Variants in ARL13A observed in about 807,000 individuals in gnomAD.
The protein encoded by ARL13A is ADP-ribosylation factor-like protein 13A.
ARL13A carries 16 observed loss-of-function variants against 19.1 expected under a neutral mutation model. The observed-to-expected ratio is 0.84, with a 90% CI of 0.57 to 1.27. The LOEUF (loss-of-function observed/expected upper bound fraction) is 1.27, where lower values mean the gene tolerates loss of function less well. Ranked by LOEUF, ARL13A falls within the 50% of genes most tolerant of loss-of-function variation. ARL13A has a pLI of 0.00. For synonymous variants in ARL13A, 69 were observed against 71.3 expected (o/e 0.97, Z 0.17); for missense variants, 153 against 186.4 (o/e 0.82, Z 1.04).
chrX:100,974,049 G>A, intron 2 of ARL13A, 78 bp from the exon 3 acceptor site: 4 of 814,946 alleles, frequency 4.9e-6, no homozygotes, highest in Non-Finnish European at 7.2e-6. Context: ...CAAACAATAA[G>A]GAAGAGTATA....
intron 3 of ARL13A, among the ~76,000 whole-genome samples, chrX:100,976,846 C>T (rs1278560700): frequency 8.9e-6 from 1 of 112,577 alleles, no homozygotes; most frequent in Non-Finnish European, 1.9e-5. Flanking sequence ...GATCCACCCG[C>T]CTTGGCCTCC....
chrX:100,975,211 C>T (rs1475453089), intron 3 of ARL13A, among the ~76,000 whole-genome samples: 1 of 112,039 alleles, frequency 8.9e-6, no homozygotes. Flanking sequence ...ATGCTCTCTG[C>T]ACATGCCCTC....
Position 100,986,843 on chromosome X carries a change from TTATTGACTATCTACTTCTAAAGAAGCTAG to T in ARL13A, c.430_458del (p.Ile144GlufsTer4), listed in dbSNP as rs1410956041. ...AAGAAAGCCCTCATGCCTTGTGATA[TTATTGACTATCTACTTCTAAAGAAGCTAG>T]TGAAAGAGAATAAGTGCCCATGCCG... On this transcript the variant is annotated frameshift_variant, in exon 5 of 8. Transcript: ENST00000450049. LOFTEE classifies it high-confidence loss of function. The T allele has an allele frequency of 8.3e-7, 1 of 1,207,360 alleles. No individual in the cohort carries two copies. Among genetic ancestry groups the T allele is most frequent in the Middle Eastern group, 2.3e-4 (1 of 4,338 alleles).
intron 3 of ARL13A, among the ~76,000 whole-genome samples, chrX:100,977,939 G>A (rs1053232271): frequency 8.9e-6 from 1 of 111,854 alleles, no homozygotes; most frequent in African/African-American, 3.3e-5. Context: ...CCAAATCTGG[G>A]CTATTGTGAA....
rs1294764761 is a variant in ARL13A at position 100,985,767 on chromosome X, G to A, written c.231G>A (p.Lys77=). ...LSIYDLNGDL[K]GREAWPNYYA... ...TCTATGACCTGAATGGAGACCTGAA[G>A]GGCCGGGAAGCATGGCCAAACTACT... The change falls in exon 4 of 8, where the codon AAG becomes AAA. Residue 77 remains lysine, a synonymous_variant. Coordinates refer to ENST00000450049, the MANE Select transcript of ARL13A (RefSeq NM_001162491.2). 1 of 1,211,609 alleles carries A rather than the reference G, an allele frequency of 8.3e-7. No individual in the cohort carries two copies. Among genetic ancestry groups the A allele is most frequent in the Non-Finnish European group, 1.1e-6 (1 of 895,433 alleles).
intron 3 of ARL13A, among the ~76,000 whole-genome samples, chrX:100,975,608 A>G (rs2085748729): frequency 9.3e-6 from 1 of 107,400 alleles, no homozygotes; most frequent in Admixed American, 9.9e-5. Context: ...TTCACCTGAG[A>G]CAACATGTTG....
chrX:100,986,762 A>T, intron 4 of ARL13A, 34 bp from the exon 5 acceptor site: 1 of 1,038,675 alleles, frequency 9.6e-7, no homozygotes, highest in Non-Finnish European at 1.3e-6. Flanking sequence ...TCACTCTTCC[A>T]CTCTTTTCCT....
At chrX:100,982,229 G>A (rs887739695) in intron 3 of ARL13A, among the ~76,000 whole-genome samples, 2 of 111,184 alleles carry the variant, frequency 1.8e-5, no homozygotes, top group Non-Finnish European at 3.8e-5. Flanking sequence ...GGTAGCTCAC[G>A]CCTGTAATCC....
chrX:100,986,717 C>T lies in ARL13A; in HGVS notation c.381-79C>T, dbSNP rs2085939781. On this transcript the variant is annotated intron_variant, in intron 4 of 7. Coordinates refer to ENST00000450049, the MANE Select transcript of ARL13A (RefSeq NM_001162491.2). ...AGTAGAATTTGTTCTCCTCCTCTTT[C>T]CCTTCTTTTCTCGCCTTTTGCTTCT... 7 of 618,552 alleles carry T rather than the reference C, an allele frequency of 1.1e-5. 1 individual carries two copies. The South Asian group carries it at 2.3e-4, about 20-fold the overall frequency. 51.0% of individuals were successfully genotyped at this position (618,552 alleles called of 1,213,427 possible). A position where few individuals can be genotyped will look rare whatever the true frequency, so the allele number is the denominator to read the frequency against.
intron 7 of ARL13A, 88 bp from the exon 8 acceptor site, chrX:100,990,474 T>C (rs1203492142): frequency 1.0e-6 from 1 of 988,385 alleles, no homozygotes; most frequent in Non-Finnish European, 1.3e-6. Flanking sequence ...TTCCATTTGA[T>C]AATATTTCTA....
chrX:100,984,153 C>T (rs2085902936), intron 3 of ARL13A, among the ~76,000 whole-genome samples: 1 of 106,364 alleles, frequency 9.4e-6, no homozygotes, highest in South Asian at 4.4e-4. Context: ...CACTCTTGTC[C>T]CCCATGCTGG....
In ARL13A at chrX:100,988,309, T is replaced by G. The variant is rs1383960373; in HGVS notation, c.744+26T>G. ...GTAAATGGCCCTTTAAATGTTAATATTCAGTGACCAATCCCTGAACACGTG... is the reference window on the plus strand; with the variant it reads ...GTAAATGGCCCTTTAAATGTTAATAGTCAGTGACCAATCCCTGAACACGTG... On this transcript the variant is annotated intron_variant, in intron 7 of 7. Coordinates refer to ENST00000450049, the MANE Select transcript of ARL13A (RefSeq NM_001162491.2). The G allele has an allele frequency of 3.3e-6, 4 of 1,201,977 alleles. No homozygotes were observed. The African/African-American group carries it at 5.3e-5, about 16-fold the overall frequency.
intron 3 of ARL13A, among the ~76,000 whole-genome samples, chrX:100,977,974 C>T (rs1187773360): frequency 8.9e-6 from 1 of 112,009 alleles, no homozygotes; most frequent in African/African-American, 3.2e-5. Context: ...ACATGGGACA[C>T]CAGATATCTC....
intron 3 of ARL13A, among the ~76,000 whole-genome samples, chrX:100,977,504 C>G (rs1271010280): frequency 9.2e-6 from 1 of 109,126 alleles, no homozygotes; most frequent in African/African-American, 3.4e-5. Flanking sequence ...CCTCAGCCTC[C>G]CAAGTAGCTG....
At chrX:100,973,629 TA>T in intron 1 of ARL13A, 46 bp from the exon 2 acceptor site, 1 of 1,143,248 alleles carries the variant, frequency 8.7e-7, no homozygotes, top group Non-Finnish European at 1.2e-6. Flanking sequence ...GCTCAGTGTT[TA>T]TAACAGGACT....
chrX:100,974,340 C>A, intron 3 of ARL13A, 143 bp downstream of exon 3: 1 of 460,401 alleles, frequency 2.2e-6, no homozygotes. Flanking sequence ...CACACACGCA[C>A]ACACACACAT....
intron 3 of ARL13A, among the ~76,000 whole-genome samples, chrX:100,978,718 A>C (rs1465565406): frequency 9.1e-6 from 1 of 110,145 alleles, no homozygotes; most frequent in African/African-American, 3.3e-5. Flanking sequence ...AGGACTTACT[A>C]CTGTCACCTT....
intron 7 of ARL13A, 189 bp downstream of exon 7, chrX:100,988,472 G>C: frequency 6.7e-6 from 8 of 1,192,532 alleles, no homozygotes; most frequent in Non-Finnish European, 9.0e-6. Context: ...AGGAGAATGA[G>C]AGCTCAGAAT....
Position 100,973,756 on chromosome X carries a change from TAC to T in ARL13A, c.59+10_59+11del. 2 of 1,208,117 alleles carry T rather than the reference TAC, an allele frequency of 1.7e-6. No individual in the cohort carries two copies. The highest frequency in any genetic ancestry group is 2.2e-6 in the Non-Finnish European group (2 of 892,168). On this transcript the variant is annotated intron_variant, in intron 2 of 7. Transcript: ENST00000450049. ...AACAGAAGAGACACGAAGGTAATAT[TAC>T]AATTATTTCCCTAGGCCTATTCCAC...
Sources: gnomAD v4.1 joint callset for allele counts (sites outside exome capture counted in the v4.1 genomes callset) on GRCh38, gnomAD v4.1.1 for gene constraint, MANE v1.5 for transcripts, NCBI Gene and HGNC (gene_info 2026-07-23, HGNC 2026-07-21) for gene names.